RELL1: variants seen among roughly 807,000 people sequenced by gnomAD.
RELL1 encodes RELT like 1.
A neutral mutation model predicts 23.0 loss-of-function variants in RELL1; 10 were observed. That is an observed-to-expected ratio of 0.43 (90% CI 0.27 to 0.74). The LOEUF (loss-of-function observed/expected upper bound fraction) is 0.74, where lower values mean the gene tolerates loss of function less well. Among genes scored for constraint, RELL1 ranks in the 30% least tolerant of loss-of-function variants. RELL1 has a pLI of 0.19. For synonymous variants in RELL1, 146 were observed against 146.8 expected (o/e 0.99, Z 0.04); for missense variants, 315 against 364.4 (o/e 0.86, Z 1.10).
intron 1 of RELL1, among the ~76,000 whole-genome samples, chr4:37,681,802 C>T (rs899692774): frequency 6.6e-6 from 1 of 151,910 alleles, no homozygotes. Flanking sequence ...GCTGCGATTA[C>T]AGGCGTGAGC....
intron 1 of RELL1, among the ~76,000 whole-genome samples, chr4:37,668,252 CCCTCTGATA>C (rs1281962982): frequency 2.8e-5 from 4 of 141,790 alleles, no homozygotes; most frequent in East Asian, 2.4e-4. Context: ...TCCACGGTCT[CCCTCTGATA>C]CCGAGCCGAA....
intron 1 of RELL1, among the ~76,000 whole-genome samples, chr4:37,650,632 GA>G (rs1477837341): frequency 6.6e-6 from 1 of 152,106 alleles, no homozygotes; most frequent in Non-Finnish European, 1.5e-5. Flanking sequence ...ATCTTTTGGA[GA>G]AAAGGGAAGT....
chr4:37,606,758 A>G (rs768353432), downstream of RELL1, among the ~76,000 whole-genome samples: 20 of 152,344 alleles, frequency 1.3e-4, no homozygotes, highest in Non-Finnish European at 2.6e-4. This position sits in a 1 kb window ranked among gnomAD's most constrained non-coding sequence, Gnocchi z 4.1. Flanking sequence ...AGGTTTTGGT[A>G]ATTTGTTATG....
intron 6 of RELL1, among the ~76,000 whole-genome samples, chr4:37,595,102 C>CT (rs1260290059): frequency 1.3e-5 from 2 of 152,144 alleles, no homozygotes; most frequent in Admixed American, 1.3e-4. Flanking sequence ...TTTAAATCCT[C>CT]TATTTTGGAG....
At chr4:37,648,608 A>G (rs940649096) in intron 2 of RELL1, among the ~76,000 whole-genome samples, 1 of 152,258 alleles carries the variant, frequency 6.6e-6, no homozygotes, top group Non-Finnish European at 1.5e-5. Context: ...TTTTCTAAAC[A>G]CTACCTTATG....
Position 37,611,133 on chromosome 4 carries a change from T to C in RELL1, c.*2213A>G, listed in dbSNP as rs1477311590. On this transcript the variant is annotated 3_prime_UTR_variant, in exon 7 of 7. Transcript: ENST00000454158. ...AAAAAGTGCTCTGACTTGAATAAGA[T>C]GGAAAAATAATTAAAGCTAAAGAAT... Among the ~76,000 whole-genome samples the C allele has an allele frequency of 6.6e-6, 1 of 152,220 alleles. No homozygotes were observed. The highest frequency in any genetic ancestry group is 1.5e-5 in the Non-Finnish European group (1 of 68,024).
intron 1 of RELL1, among the ~76,000 whole-genome samples, chr4:37,652,405 T>G (rs939142120): frequency 6.6e-6 from 1 of 152,210 alleles, no homozygotes; most frequent in Non-Finnish European, 1.5e-5. Context: ...GGGTTTAACC[T>G]CATGCCTTAT....
At chr4:37,595,815 T>C (rs1317112009) in intron 6 of RELL1, among the ~76,000 whole-genome samples, 1 of 152,236 alleles carries the variant, frequency 6.6e-6, no homozygotes, top group Non-Finnish European at 1.5e-5. Context: ...TAATCCCAAA[T>C]TGAGACAAAA....
chr4:37,686,060 G>T, intron 1 of RELL1, 140 bp downstream of exon 1: 2 of 709,040 alleles, frequency 2.8e-6, no homozygotes, highest in Non-Finnish European at 4.5e-6. Context: ...CCGCGGGACA[G>T]CCAGTTGTTC....
intron 6 of RELL1, among the ~76,000 whole-genome samples, chr4:37,603,565 C>T (rs1270427603): frequency 6.6e-6 from 1 of 152,196 alleles, no homozygotes; most frequent in Non-Finnish European, 1.5e-5. Flanking sequence ...TCCAAGCCCC[C>T]AACTCTACTG....
intron 3 of RELL1, among the ~76,000 whole-genome samples, chr4:37,643,227 C>T (rs1720587026): frequency 1.3e-5 from 2 of 152,322 alleles, no homozygotes; most frequent in Admixed American, 1.3e-4. Context: ...AAAAAACCCA[C>T]ATCTTTGTCA....
chr4:37,605,258 T>C (rs2109494315), intron 6 of RELL1, among the ~76,000 whole-genome samples: 1 of 152,244 alleles, frequency 6.6e-6, no homozygotes, highest in East Asian at 1.9e-4. Flanking sequence ...TGTGTGTGTA[T>C]GTATATATGT....
intron 1 of RELL1, among the ~76,000 whole-genome samples, chr4:37,667,265 G>A (rs749138171): frequency 6.6e-6 from 1 of 151,780 alleles, no homozygotes; most frequent in Non-Finnish European, 1.5e-5. Context: ...TGTATAATGT[G>A]TACAGTTACT....
downstream of RELL1, among the ~76,000 whole-genome samples, chr4:37,605,827 GAAAGAA>G (rs1553871668): frequency 9.1e-6 from 1 of 109,870 alleles, no homozygotes; most frequent in African/African-American, 2.9e-5. Context: ...AAGAAAGAAA[GAAAGAA>G]AGAAAGAAAG....
At chr4:37,593,085 T>C (rs1706579061) in intron 6 of RELL1, among the ~76,000 whole-genome samples, 2 of 152,226 alleles carry the variant, frequency 1.3e-5, no homozygotes, top group African/African-American at 4.8e-5. Context: ...CTCAGAGCCC[T>C]TAAAAAGATA....
chr4:37,653,624 T>C (rs966580230), intron 1 of RELL1, among the ~76,000 whole-genome samples: 2 of 152,168 alleles, frequency 1.3e-5, no homozygotes, highest in East Asian at 1.9e-4. Context: ...AGCTTCAAAA[T>C]TATTTGATAC....
intron 6 of RELL1, among the ~76,000 whole-genome samples, chr4:37,602,661 G>A (rs927469684): frequency 6.6e-6 from 1 of 152,178 alleles, no homozygotes; most frequent in African/African-American, 2.4e-5. Context: ...TGGATGAGAA[G>A]ACAGAGGATT....
At chr4:37,645,787 A>C (rs536610708) in intron 3 of RELL1, among the ~76,000 whole-genome samples, 1 of 152,398 alleles carries the variant, frequency 6.6e-6, no homozygotes, top group Non-Finnish European at 1.5e-5. Flanking sequence ...TAAAGCACCC[A>C]GATCTATGCC....
intron 6 of RELL1, among the ~76,000 whole-genome samples, chr4:37,599,778 C>T (rs1287018736): frequency 6.6e-6 from 1 of 152,124 alleles, no homozygotes; most frequent in Non-Finnish European, 1.5e-5. Flanking sequence ...ATTTCCTTTC[C>T]CTACAAAGGT....
Sources: allele counts gnomAD v4.1 joint callset (sites outside exome capture counted in the v4.1 genomes callset), GRCh38; gene constraint gnomAD v4.1.1; non-coding constraint Gnocchi (gnomAD v3.1); transcripts MANE v1.5; gene names NCBI Gene and HGNC (gene_info 2026-07-23, HGNC 2026-07-21).